The following C10orf90 variants were observed in gnomAD, a reference collection of about 807,000 sequenced individuals.
C10orf90 encodes the protein (E2-independent) E3 ubiquitin-conjugating enzyme FATS.
In C10orf90, 56 loss-of-function variants were observed where a neutral mutation model predicts 62.5. The ratio of observed to expected loss-of-function variants is 0.90; its 90% confidence interval spans 0.72 to 1.12. The LOEUF is 1.12. Ranked by LOEUF, C10orf90 falls within the 50% of genes most tolerant of loss-of-function variation. C10orf90 has a pLI of 0.00. For missense variants in C10orf90, 970 were observed against 880.4 expected (o/e 1.10, Z -1.29); for synonymous variants, 386 against 340.4 (o/e 1.13, Z -1.47).
At chr10:126,624,363 G>GAT (rs765640478) in intron 2 of C10orf90, among the ~76,000 whole-genome samples, 11 of 152,056 alleles carry the variant, frequency 7.2e-5, no homozygotes, top group Non-Finnish European at 1.3e-4. Flanking sequence ...AAGAGAGAGA[G>GAT]ACTCCTACTG....
At chr10:126,631,498 G>C (rs1845849836) in intron 2 of C10orf90, among the ~76,000 whole-genome samples, 1 of 152,024 alleles carries the variant, frequency 6.6e-6, no homozygotes, top group African/African-American at 2.4e-5. Flanking sequence ...CTTTGTTGCA[G>C]TAATTTTGCT....
chr10:126,494,685 G>T (rs1308483359), intron 4 of C10orf90, among the ~76,000 whole-genome samples: 3 of 152,184 alleles, frequency 2.0e-5, no homozygotes, highest in Non-Finnish European at 4.4e-5. Flanking sequence ...CTGAGGAAAT[G>T]GTTAAGAAAA....
intron 2 of C10orf90, among the ~76,000 whole-genome samples, chr10:126,581,681 G>C (rs755091460): frequency 6.6e-6 from 1 of 152,162 alleles, no homozygotes; most frequent in Non-Finnish European, 1.5e-5. Flanking sequence ...CAGCACCCAG[G>C]TGTCTTATGT....
intron 3 of C10orf90, among the ~76,000 whole-genome samples, chr10:126,507,173 CG>C (rs1396908425): frequency 6.6e-6 from 1 of 151,892 alleles, no homozygotes; most frequent in Non-Finnish European, 1.5e-5. Context: ...CTGGCTAACA[CG>C]GTGAAACTCT....
At chr10:126,487,015 G>A (rs1481347516) in intron 4 of C10orf90, among the ~76,000 whole-genome samples, 1 of 151,436 alleles carries the variant, frequency 6.6e-6, no homozygotes, top group Admixed American at 6.6e-5. Flanking sequence ...TGTGGTGGCA[G>A]GTGCCTGTAA....
chr10:126,620,737 G>C (rs1355077991), intron 2 of C10orf90, among the ~76,000 whole-genome samples: 2 of 149,114 alleles, frequency 1.3e-5, no homozygotes, highest in East Asian at 1.9e-4. Context: ...TGGTCAGTGG[G>C]GGCTAGAAAA....
At chr10:126,474,743 G>A (rs1421165440) in intron 4 of C10orf90, among the ~76,000 whole-genome samples, 1 of 152,212 alleles carries the variant, frequency 6.6e-6, no homozygotes, top group African/African-American at 2.4e-5. Context: ...TTTCAATGTG[G>A]CTTGTAAAAC....
intron 2 of C10orf90, among the ~76,000 whole-genome samples, chr10:126,526,838 G>C (rs924455537): frequency 3.3e-5 from 5 of 152,068 alleles, no homozygotes; most frequent in Admixed American, 6.5e-5. Flanking sequence ...TTTGTTTCTG[G>C]CTTCTTCTGC....
chr10:126,447,985 G>A (rs1454327972), intron 7 of C10orf90, among the ~76,000 whole-genome samples: 2 of 150,146 alleles, frequency 1.3e-5, no homozygotes, highest in Admixed American at 1.3e-4. Context: ...CCAAGCAGCT[G>A]GGACTACAGG....
rs146942467 is a variant in C10orf90 at position 126,578,278 on chromosome 10, G to A, written c.314-64339C>T. ...TATCCAGAGTACATAAAGAACTCTCGCGAATTAGTAATAAAAAGACAAACA... is the reference window on the plus strand; with the variant it reads ...TATCCAGAGTACATAAAGAACTCTCACGAATTAGTAATAAAAAGACAAACA... On this transcript the variant is annotated intron_variant, in intron 2 of 9. Transcript: ENST00000488181. Among the ~76,000 whole-genome samples, 45 of 151,544 alleles carry A rather than the reference G, an allele frequency of 3.0e-4. No individual in the cohort carries two copies. In the East Asian group the frequency reaches 6.0e-3, roughly 20 times the overall value.
At chr10:126,426,881 C>A (rs1474721009) in intron 8 of C10orf90, among the ~76,000 whole-genome samples, 5 of 152,182 alleles carry the variant, frequency 3.3e-5, no homozygotes, top group South Asian at 2.1e-4. Context: ...TGATGACAAT[C>A]TTCGCAGGAG....
chr10:126,651,702 C>A (rs1022950907), intron 1 of C10orf90, among the ~76,000 whole-genome samples: 6 of 152,156 alleles, frequency 3.9e-5, no homozygotes, highest in African/African-American at 1.4e-4. Flanking sequence ...TGCCAGTGCC[C>A]TCCCCCACTA....
At position 126,614,423 on chromosome 10, in the gene C10orf90, C is replaced by G. The variant is rs565126764; in HGVS notation, c.313+32142G>C. Among the ~76,000 whole-genome samples, 8 of 152,262 alleles carry G rather than the reference C, an allele frequency of 5.3e-5. No individual in the cohort carries two copies. The East Asian group carries it at 1.4e-3, about 26-fold the overall frequency. Reference sequence around the variant, plus strand: ...GGTCAAGAACAGCCTTCAGTGGATTCAGGGTTAGAGAAAAGCATTAAAAAA... The same window carrying G: ...GGTCAAGAACAGCCTTCAGTGGATTGAGGGTTAGAGAAAAGCATTAAAAAA... On this transcript the variant is annotated intron_variant, in intron 2 of 9. Coordinates refer to ENST00000488181, the MANE Select transcript of C10orf90 (RefSeq NM_001350921.2).
intron 2 of C10orf90, among the ~76,000 whole-genome samples, chr10:126,565,110 A>ATT (rs1564873999): frequency 6.4e-5 from 2 of 31,450 alleles, no homozygotes; most frequent in Non-Finnish European, 1.1e-4. Flanking sequence ...TATATAAAAT[A>ATT]TATATTATAT....
intron 1 of C10orf90, among the ~76,000 whole-genome samples, chr10:126,665,817 AGAG>A (rs1846615639): frequency 1.3e-5 from 2 of 152,142 alleles, no homozygotes; most frequent in Admixed American, 6.6e-5. Context: ...GAATTTAGGA[AGAG>A]GAGAACTGCA....
At chr10:126,528,190 G>A (rs964647760) in intron 2 of C10orf90, among the ~76,000 whole-genome samples, 1 of 152,124 alleles carries the variant, frequency 6.6e-6, no homozygotes, top group Non-Finnish European at 1.5e-5. Flanking sequence ...TGCCTGAGAA[G>A]CCATAGGCCG....
rs11245008 is a variant in C10orf90 at position 126,504,799 on chromosome 10, C to T, written c.692G>A (p.Arg231His). The T allele has an allele frequency of 0.14, 226,687 of 1,585,584 alleles. 19,366 individuals carry two copies. The highest frequency in any genetic ancestry group is 0.41 in the African/African-American group (30,279 of 74,192). The part of the protein sequence containing the change: ...PKEERPCGGP[R>H]RGFASITITA... ...GATGGTGATGGATGCAAACCCTCTG[C>T]GGGGGCCCCCACAGGGTCTCTCCTC... is the stretch of plus-strand genomic sequence containing the variant. The change falls in exon 4 of 10, where the codon CGC becomes CAC. Residue 231 changes from arginine (R) to histidine (H), a missense_variant. Transcript: ENST00000488181. This position sits in a 1 kb window ranked among gnomAD's most constrained non-coding sequence, Gnocchi z 4.1.
chr10:126,591,130 G>A (rs964003026), intron 2 of C10orf90, among the ~76,000 whole-genome samples: 7 of 152,046 alleles, frequency 4.6e-5, no homozygotes, highest in Non-Finnish European at 1.0e-4. Context: ...AAGAAGAGCC[G>A]GTACCACTTC....
At chr10:126,638,055 C>T (rs2133839205) in intron 2 of C10orf90, among the ~76,000 whole-genome samples, 1 of 152,274 alleles carries the variant, frequency 6.6e-6, no homozygotes, top group Middle Eastern at 3.4e-3. Context: ...TCCAGGTTTC[C>T]AGCGTGGCTG....
Sources: gnomAD v4.1 joint callset for allele counts (sites outside exome capture counted in the v4.1 genomes callset) on GRCh38, gnomAD v4.1.1 for gene constraint, Gnocchi (gnomAD v3.1) non-coding constraint, MANE v1.5 for transcripts, NCBI Gene and HGNC (gene_info 2026-07-23, HGNC 2026-07-21) for gene names.